Variants in ZNF347 observed in about 807,000 individuals in gnomAD.
The protein encoded by ZNF347 is zinc finger protein 347, also known as CTD-2620I22.7.
ZNF347 carries 19 observed loss-of-function variants against 12.9 expected under a neutral mutation model. The observed-to-expected ratio is 1.47, with a 90% CI of 1.03 to 2.16. ZNF347 has a LOEUF of 2.16. Ranked by LOEUF, ZNF347 falls within the 30% of genes most tolerant of loss-of-function variation. The probability of loss-of-function intolerance (pLI) is 0.00; values close to 1 mark genes in which losing one functional copy is unlikely to be tolerated. For synonymous variants in ZNF347, 328 were observed against 340.6 expected, an observed-to-expected ratio of 0.96 and a Z score of 0.41; for missense variants, 1,005 against 990.6, an observed-to-expected ratio of 1.01 and a Z score of -0.19.
chr19:53,156,049 G>GGGGGGT (rs1555802216), intron 1 of ZNF347, among the ~76,000 whole-genome samples: 3 of 92,308 alleles, frequency 3.2e-5, no homozygotes, highest in Admixed American at 1.2e-4. Context: ...CCAGCTCGGG[G>GGGGGGT]GGGGGGGGGG....
At chr19:53,154,415 G>T (rs555520556) in intron 1 of ZNF347, among the ~76,000 whole-genome samples, 6 of 152,222 alleles carry the variant, frequency 3.9e-5, no homozygotes, top group Non-Finnish European at 8.8e-5. Flanking sequence ...AGAGTTCACA[G>T]GAGAGGCCTG....
At position 53,137,881 on chromosome 19, in the gene ZNF347, CT is replaced by C. The variant is rs2090395751; in HGVS notation, c.*2426del. The C allele has an allele frequency of 6.6e-6, 1 of 152,028 alleles. No individual in the cohort carries two copies. The highest frequency in any genetic ancestry group is 2.4e-5 in the African/African-American group (1 of 41,384). 9.4% of individuals were successfully genotyped at this position (152,028 alleles called of 1,614,324 possible). A position where few individuals can be genotyped will look rare whatever the true frequency, so the allele number is the denominator to read the frequency against. Reference sequence around the variant, plus strand: ...AGTGGCAATCTCGGCTCACTGCAACCTCCACCTCCTGGGTTCAAGTGATTCT... The same window carrying C: ...AGTGGCAATCTCGGCTCACTGCAACCCCACCTCCTGGGTTCAAGTGATTCT... On this transcript the variant is annotated 3_prime_UTR_variant, in exon 5 of 5. Transcript: ENST00000334197.
At chr19:53,156,057 G>GGC (rs2090533513) in intron 1 of ZNF347, among the ~76,000 whole-genome samples, 1 of 132,648 alleles carries the variant, frequency 7.5e-6, no homozygotes, top group African/African-American at 2.9e-5. Flanking sequence ...GGGGGGGGGG[G>GGC]GGGTTAGGCG....
At position 53,142,242 on chromosome 19, in the gene ZNF347, G is replaced by A; in HGVS notation, c.586C>T (p.Gln196Ter). Residue 196 changes from glutamine (Q) to a stop codon, truncating the protein, a stop_gained, in exon 5 of 5, where the codon CAG (glutamine) becomes TAG (stop). Transcript: ENST00000334197. LOFTEE classifies it low-confidence loss of function (END_TRUNC). The part of the protein sequence containing the change: ...LSLQSHLPEL[Q>*]LFQYEGKIYE... ...ATTTTCCCTTCATATTGAAAAAGCT[G>A]CAGTTCAGGCAGATGTGACTGAAGG... 1 of 1,612,780 alleles carries A rather than the reference G, an allele frequency of 6.2e-7. No homozygotes were observed. Among genetic ancestry groups the A allele is most frequent in the Non-Finnish European group, 8.5e-7 (1 of 1,179,604 alleles).
rs970317100 is a variant in ZNF347 at position 53,135,112 on chromosome 19, C to T, written c.*5196G>A. The T allele has an allele frequency of 1.7e-4, 26 of 151,798 alleles. No homozygotes were observed. The highest frequency in any genetic ancestry group is 3.9e-4 in the African/African-American group (16 of 41,284). 9.4% of individuals were successfully genotyped at this position (151,798 alleles called of 1,614,324 possible). A position where few individuals can be genotyped will look rare whatever the true frequency, so the allele number is the denominator to read the frequency against. On this transcript the variant is annotated 3_prime_UTR_variant, in exon 5 of 5. Transcript: ENST00000334197. ...TCATTAAAAGCTTTGTCTTTGCAAC[C>T]AGACAACATGGATTCAAATCTCGAT... is the stretch of plus-strand genomic sequence containing the variant.
intron 1 of ZNF347, among the ~76,000 whole-genome samples, chr19:53,156,050 G>A (rs545261699): frequency 1.8e-4 from 25 of 137,000 alleles, no homozygotes; most frequent in Non-Finnish European, 2.1e-4. Context: ...CAGCTCGGGG[G>A]GGGGGGGGGG....
Position 53,142,533 on chromosome 19 carries a change from T to C in ZNF347, c.295A>G (p.Lys99Glu). The C allele has an allele frequency of 6.3e-6, 10 of 1,594,220 alleles. No homozygotes were observed. The highest frequency in any genetic ancestry group is 8.5e-6 in the Non-Finnish European group (10 of 1,171,542). Residue 99 changes from lysine (K) to glutamate (E), a missense_variant, in exon 5 of 5, where the codon AAA becomes GAA. Transcript: ENST00000334197. ...ITALSSEFVM[K>E]DLLHKGKSNT... is the part of the protein sequence containing the mutation. ...CTCTTCCCTTTGTGTAGTAAATCTTTCATTACAAATTCGGAAGAGAGAGCT... is the reference window on the plus strand; with the variant it reads ...CTCTTCCCTTTGTGTAGTAAATCTTCCATTACAAATTCGGAAGAGAGAGCT...
In ZNF347 at chr19:53,140,230, C is replaced by T; in HGVS notation, c.*78G>A. 1 of 1,342,870 alleles carries T rather than the reference C, an allele frequency of 7.4e-7. No homozygotes were observed. The highest frequency in any genetic ancestry group is 1.0e-6 in the Non-Finnish European group (1 of 978,520). 83.2% of individuals were successfully genotyped at this position (1,342,870 alleles called of 1,614,324 possible). A position where few individuals can be genotyped will look rare whatever the true frequency, so the allele number is the denominator to read the frequency against. On this transcript the variant is annotated 3_prime_UTR_variant, in exon 5 of 5. Coordinates refer to ENST00000334197, the MANE Select transcript of ZNF347 (RefSeq NM_032584.3). Reference sequence around the variant, plus strand: ...TTGCATTTTCAAGGAATCTCTCAGGCATAAATTCTCTGACGTTGTCAAAGG... The same window carrying T: ...TTGCATTTTCAAGGAATCTCTCAGGTATAAATTCTCTGACGTTGTCAAAGG...
intron 4 of ZNF347, among the ~76,000 whole-genome samples, chr19:53,146,795 T>C (rs1470790144): frequency 6.6e-6 from 1 of 151,266 alleles, no homozygotes; most frequent in Non-Finnish European, 1.5e-5. Context: ...TCTGGACACA[T>C]ACAACCTATC....
At chr19:53,143,116 G>A (rs2090440465) in intron 4 of ZNF347, among the ~76,000 whole-genome samples, 1 of 152,174 alleles carries the variant, frequency 6.6e-6, no homozygotes, top group South Asian at 2.1e-4. Flanking sequence ...AATGCAGGGT[G>A]AGAAGGGAAC....
At chr19:53,153,882 A>C in intron 1 of ZNF347, 89 bp from the exon 2 acceptor site, 2 of 920,758 alleles carry the variant, frequency 2.2e-6, no homozygotes, top group Non-Finnish European at 3.4e-6. Context: ...TCCCCTTCCT[A>C]TGCCACAATC....
chr19:53,149,596 C>T (rs2090484881), intron 2 of ZNF347: 1 of 765,052 alleles, frequency 1.3e-6, no homozygotes. Context: ...TGGCTGGAGG[C>T]CCCAAGATAG....
intron 4 of ZNF347, among the ~76,000 whole-genome samples, chr19:53,145,252 T>C (rs945586824): frequency 3.7e-5 from 5 of 136,314 alleles, no homozygotes; most frequent in African/African-American, 8.4e-5. Context: ...GATTGTGCCA[T>C]GCACTCCAGC....
chr19:53,149,923 TC>T (rs1334010797), intron 2 of ZNF347, among the ~76,000 whole-genome samples: 1 of 152,102 alleles, frequency 6.6e-6, no homozygotes, highest in Non-Finnish European at 1.5e-5. Context: ...ATGCTCCTTC[TC>T]CCATACCTTA....
At chr19:53,156,031 G>C (rs1454440997) in intron 1 of ZNF347, among the ~76,000 whole-genome samples, 1 of 136,420 alleles carries the variant, frequency 7.3e-6, no homozygotes, top group Non-Finnish European at 1.6e-5. Context: ...GGGACTCCCA[G>C]GGGACTCCCA....
chr19:53,158,229 G>A (rs71363310), intron 1 of ZNF347, among the ~76,000 whole-genome samples: 25,979 of 152,044 alleles, frequency 0.17, 2,413 homozygotes, highest in Middle Eastern at 0.23. Flanking sequence ...CGAAGGGGAG[G>A]CCTGGGGAGC....
At chr19:53,153,173 A>T (rs903114189) in intron 2 of ZNF347, among the ~76,000 whole-genome samples, 1 of 152,168 alleles carries the variant, frequency 6.6e-6, no homozygotes, top group Non-Finnish European at 1.5e-5. Context: ...TGATGGGATG[A>T]AAGAACCCTC....
In ZNF347 at chr19:53,136,309, A is replaced by G. The variant is rs2090387754; in HGVS notation, c.*3999T>C. On this transcript the variant is annotated 3_prime_UTR_variant, in exon 5 of 5. Transcript: ENST00000334197. ...TTTCATGTCACAAAATTTTATTTCT[A>G]AACAACACCCTCATTTATGTATTTT... 1 of 151,918 alleles carries G rather than the reference A, an allele frequency of 6.6e-6. No homozygotes were observed. The allele number at this position is 151,918 out of a possible 1,614,324, so 9.4% of individuals were successfully genotyped here.
intron 2 of ZNF347, among the ~76,000 whole-genome samples, chr19:53,152,755 C>T (rs994290347): frequency 2.0e-5 from 3 of 151,524 alleles, no homozygotes; most frequent in Non-Finnish European, 2.9e-5. Flanking sequence ...ACAGTGAAAC[C>T]CCGTCTCTAT....
Sources: gnomAD v4.1 joint callset for allele counts (sites outside exome capture counted in the v4.1 genomes callset) on GRCh38, gnomAD v4.1.1 for gene constraint, MANE v1.5 for transcripts, NCBI Gene and HGNC (gene_info 2026-07-23, HGNC 2026-07-21) for gene names.